Variants in PCSK5 observed in about 807,000 individuals in gnomAD.
PCSK5 encodes proprotein convertase subtilisin/kexin type 5.
A neutral mutation model predicts 233.2 loss-of-function variants in PCSK5; 129 were observed. That is an observed-to-expected ratio of 0.55 (90% CI 0.48 to 0.64). The LOEUF (loss-of-function observed/expected upper bound fraction) is 0.64. Ranked by LOEUF, PCSK5 falls within the 30% of genes least tolerant of loss-of-function variation. PCSK5 has a pLI of 0.00. For synonymous variants in PCSK5, 825 were observed against 879.2 expected (o/e 0.94, Z 1.09); for missense variants, 2,076 against 2,430.1 (o/e 0.85, Z 3.06).
intron 10 of PCSK5, among the ~76,000 whole-genome samples, chr9:76,153,700 A>G (rs1383976847): frequency 6.6e-6 from 1 of 152,262 alleles, no homozygotes; most frequent in Non-Finnish European, 1.5e-5. Context: ...GTGCCTTTAC[A>G]GAAATCAGTA....
intron 3 of PCSK5, among the ~76,000 whole-genome samples, chr9:76,003,770 C>G (rs1827358866): frequency 6.6e-6 from 1 of 152,044 alleles, no homozygotes; most frequent in East Asian, 1.9e-4. Flanking sequence ...TTCCAGAACA[C>G]AGGGTCATAC....
intron 24 of PCSK5, among the ~76,000 whole-genome samples, chr9:76,268,325 T>A (rs1218296799): frequency 6.6e-6 from 1 of 152,220 alleles, no homozygotes; most frequent in African/African-American, 2.4e-5. Context: ...GTAATGCGTT[T>A]CTCTATACCT....
intron 7 of PCSK5, among the ~76,000 whole-genome samples, chr9:76,072,491 C>G (rs994391876): frequency 1.3e-5 from 2 of 152,068 alleles, no homozygotes; most frequent in East Asian, 1.9e-4. Context: ...CTTAAGAAAC[C>G]CTGTCTCATT....
intron 2 of PCSK5, among the ~76,000 whole-genome samples, chr9:75,974,838 G>A (rs1354484739): frequency 6.6e-6 from 1 of 152,114 alleles, no homozygotes; most frequent in Admixed American, 6.5e-5. Context: ...AAAAACATAG[G>A]TTAACCTCAA....
intron 1 of PCSK5, among the ~76,000 whole-genome samples, chr9:75,903,782 C>T (rs1826156091): frequency 6.6e-6 from 1 of 151,324 alleles, no homozygotes; most frequent in Non-Finnish European, 1.5e-5. Flanking sequence ...AGATCCTCAA[C>T]CAAAATAAAG....
rs546611242 is a variant in PCSK5, at chr9:76,160,981, C to T, written c.1619+1810C>T. Among the ~76,000 whole-genome samples, 83 of 152,208 alleles carry T rather than the reference C, an allele frequency of 5.5e-4. No homozygotes were observed. The South Asian group carries it at 0.016, about 30-fold the overall frequency. On this transcript the variant is annotated intron_variant, in intron 12 of 37. Transcript: ENST00000674117. ...TAGAGACGGGGTTTCACCATGTTGGCCAGGCTGGTCTTGAACTCCCAACCT... is the reference window on the plus strand; with the variant it reads ...TAGAGACGGGGTTTCACCATGTTGGTCAGGCTGGTCTTGAACTCCCAACCT...
chr9:75,943,765 A>G (rs1824431268), intron 2 of PCSK5, among the ~76,000 whole-genome samples: 1 of 152,220 alleles, frequency 6.6e-6, no homozygotes, highest in Non-Finnish European at 1.5e-5. Flanking sequence ...CTGCGCATGT[A>G]AGAAAAGATC....
intron 10 of PCSK5, among the ~76,000 whole-genome samples, chr9:76,141,239 A>G (rs902529579): frequency 6.6e-6 from 1 of 152,094 alleles, no homozygotes; most frequent in African/African-American, 2.4e-5. Flanking sequence ...TTAAGTCAAG[A>G]GAGTCTTAGC....
chr9:75,911,979 C>T (rs1013861491), intron 1 of PCSK5, among the ~76,000 whole-genome samples: 2 of 151,812 alleles, frequency 1.3e-5, no homozygotes, highest in African/African-American at 2.4e-5. Context: ...AATTTGTGGT[C>T]GTATTTTGCA....
chr9:76,010,829 C>T (rs946119486), intron 3 of PCSK5, among the ~76,000 whole-genome samples: 33 of 152,124 alleles, frequency 2.2e-4, no homozygotes, highest in African/African-American at 7.7e-4. Context: ...AAAGCTGCTA[C>T]CCTAGTGTTG....
intron 25 of PCSK5, among the ~76,000 whole-genome samples, chr9:76,292,994 TATTGAG>T (rs1828324339): frequency 6.6e-6 from 1 of 152,216 alleles, no homozygotes; most frequent in South Asian, 2.1e-4. Flanking sequence ...TCGATCATTT[TATTGAG>T]ATTGTCAGAG....
intron 12 of PCSK5, among the ~76,000 whole-genome samples, chr9:76,168,284 G>A (rs1823173285): frequency 6.6e-6 from 1 of 152,032 alleles, no homozygotes; most frequent in South Asian, 2.1e-4. Context: ...CCTGAGTAGT[G>A]GGACTACAGG....
intron 7 of PCSK5, among the ~76,000 whole-genome samples, chr9:76,095,516 A>T (rs1329462815): frequency 6.6e-6 from 1 of 151,832 alleles, no homozygotes; most frequent in Non-Finnish European, 1.5e-5. Flanking sequence ...ACTTCCTTTT[A>T]AAAAAAAATT....
chr9:76,323,835 A>G (rs149074251), intron 32 of PCSK5, among the ~76,000 whole-genome samples: 5 of 152,228 alleles, frequency 3.3e-5, no homozygotes, highest in African/African-American at 1.2e-4. Flanking sequence ...AGAGAGGAGG[A>G]GCCTTCAAAA....
chr9:76,292,222 T>A lies in PCSK5; in HGVS notation c.3143-11T>A. On this transcript the variant is annotated splice_polypyrimidine_tract_variant and intron_variant, in intron 24 of 37. Transcript: ENST00000674117. ...TCATGATTATTACTTTTTATTATTT[T>A]TTTTTTCCAGATGATCCAGGAACAT... 1 of 1,527,202 alleles carries A rather than the reference T, an allele frequency of 6.5e-7. No homozygotes were observed. The allele number at this position is 1,527,202 out of a possible 1,614,324, so 94.6% of individuals were successfully genotyped here.
chr9:76,285,818 G>GA (rs143506106), intron 24 of PCSK5, among the ~76,000 whole-genome samples: 9,568 of 147,006 alleles, frequency 0.065, 592 homozygotes, highest in African/African-American at 0.16. Context: ...AATAAAATTA[G>GA]AAAAAAAAAA....
At chr9:76,356,217 T>C (rs923464689) in intron 37 of PCSK5, among the ~76,000 whole-genome samples, 15 of 152,204 alleles carry the variant, frequency 9.9e-5, no homozygotes, top group African/African-American at 3.6e-4. Flanking sequence ...TTGTGCATGT[T>C]GCATGCAGAG....
chr9:76,102,230 G>A (rs1831791556), intron 8 of PCSK5, among the ~76,000 whole-genome samples: 1 of 152,030 alleles, frequency 6.6e-6, no homozygotes. Flanking sequence ...CTTTAGCACT[G>A]ACGAGCCCTT....
chr9:75,910,986 T>C (rs1367657935), intron 1 of PCSK5, among the ~76,000 whole-genome samples: 1 of 152,146 alleles, frequency 6.6e-6, no homozygotes, highest in Admixed American at 6.6e-5. Context: ...AGATTTTTCT[T>C]CTTTGGCAAG....
Sources: allele counts gnomAD v4.1 joint callset (sites outside exome capture counted in the v4.1 genomes callset), GRCh38; gene constraint gnomAD v4.1.1; transcripts MANE v1.5; gene names NCBI Gene and HGNC (gene_info 2026-07-23, HGNC 2026-07-21).